Variants in PHACTR2 observed in about 807,000 individuals in gnomAD.
The protein encoded by PHACTR2 is chromosome 6 open reading frame 56.
In PHACTR2, 30 loss-of-function variants were observed where a neutral mutation model predicts 76.0. The observed-to-expected ratio is 0.39, with a 90% CI of 0.30 to 0.54. PHACTR2 has a LOEUF of 0.54. Ranked by LOEUF, PHACTR2 falls within the 20% of genes least tolerant of loss-of-function variation. The pLI is 0.61. For missense variants in PHACTR2, 696 were observed against 781.1 expected (o/e 0.89, Z 1.30); for synonymous variants, 292 against 292.5 (o/e 1.00, Z 0.02).
At position 143,809,755 on chromosome 6, in the gene PHACTR2, G is replaced by T. The variant is rs1186098062; in HGVS notation, c.1922+2622G>T. Among the ~76,000 whole-genome samples the T allele has an allele frequency of 6.6e-6, 1 of 151,788 alleles. No homozygotes were observed. The highest frequency in any genetic ancestry group is 2.4e-5 in the African/African-American group (1 of 41,306). On this transcript the variant is annotated intron_variant, in intron 12 of 12. Transcript: ENST00000440869. The surrounding 1 kb of genome is among the most constrained non-coding windows in gnomAD (Gnocchi z 4.2). Reference sequence around the variant, plus strand: ...ATTAAATATGTGTATGTACATGTATGCATTTATATGTACCCTCTCTCACAC... The same window carrying T: ...ATTAAATATGTGTATGTACATGTATTCATTTATATGTACCCTCTCTCACAC...
rs144454455 is a variant in PHACTR2 at position 143,549,095 on chromosome 6, C to A, written c.217+11888C>A. On this transcript the variant is annotated intron_variant, in intron 1 of 11. Coordinates refer to the PHACTR2 transcript ENST00000367584. The surrounding 1 kb of genome is among the most constrained non-coding windows in gnomAD (Gnocchi z 4.2). Reference sequence around the variant, plus strand: ...ACATGGTGCCTGATCTCCTCCCCAGCGAACATGCCAGTCTGTAGGGTGCAC... The same window carrying A: ...ACATGGTGCCTGATCTCCTCCCCAGAGAACATGCCAGTCTGTAGGGTGCAC... 2.6e-5 allele frequency among the ~76,000 whole-genome samples: 4 copies of A among 152,026 alleles called. No individual in the cohort carries two copies. Among genetic ancestry groups the A allele is most frequent in the African/African-American group, 9.6e-5 (4 of 41,492 alleles).
At chr6:143,594,643 T>A (rs997800522) in intron 1 of PHACTR2, among the ~76,000 whole-genome samples, 2 of 152,212 alleles carry the variant, frequency 1.3e-5, no homozygotes, top group Non-Finnish European at 2.9e-5. Context: ...GGAAGTGAAG[T>A]AAGGAATGCC....
At chr6:143,685,234 G>T (rs2128454358) in intron 1 of PHACTR2, among the ~76,000 whole-genome samples, 1 of 152,014 alleles carries the variant, frequency 6.6e-6, no homozygotes, top group South Asian at 2.1e-4. Context: ...AAGATGAATA[G>T]ATTTAATAGT....
chr6:143,625,310 A>G lies in PHACTR2; in HGVS notation c.13+16988A>G, dbSNP rs569016116. ...TTCTTATTTATTGTGAGATATATCA[A>G]ATTTTTACTTGGTGATTCAGAATTT... On this transcript the variant is annotated intron_variant, in intron 1 of 11. Coordinates refer to the PHACTR2 transcript ENST00000305766. This position sits in a 1 kb window ranked among gnomAD's most constrained non-coding sequence, Gnocchi z 4.3. Among the ~76,000 whole-genome samples, 4 of 152,184 alleles carry G rather than the reference A, an allele frequency of 2.6e-5. No homozygotes were observed. The highest frequency in any genetic ancestry group is 7.2e-5 in the African/African-American group (3 of 41,452).
intron 12 of PHACTR2, among the ~76,000 whole-genome samples, chr6:143,815,147 T>A (rs192648282): frequency 3.3e-5 from 5 of 152,130 alleles, no homozygotes; most frequent in Admixed American, 3.3e-4. Flanking sequence ...ACTTGCTACC[T>A]GGACAGAAAT....
chr6:143,564,194 TGC>T (rs1345308680), intron 1 of PHACTR2, among the ~76,000 whole-genome samples: 1,431 of 63,192 alleles, frequency 0.023, 49 homozygotes, highest in Non-Finnish European at 0.031. Context: ...TGTGTGTGTG[TGC>T]ATATATATAT....
At chr6:143,717,994 G>GA (rs1320525625) in intron 2 of PHACTR2, among the ~76,000 whole-genome samples, 3 of 151,862 alleles carry the variant, frequency 2.0e-5, no homozygotes, top group Non-Finnish European at 4.4e-5. Context: ...AATAAAATTG[G>GA]AAAAAAATAT....
Position 143,739,551 on chromosome 6 carries a change from T to C in PHACTR2, c.215-9434T>C, listed in dbSNP as rs1314906774. ...AAATGGAAACACGCAAGCTTTTCTT[T>C]GAACTAGATGAATTCAAAAACACCT... On this transcript the variant is annotated intron_variant, in intron 2 of 12. Coordinates refer to ENST00000440869, the MANE Select transcript of PHACTR2 (RefSeq NM_001100164.2). This position sits in a 1 kb window ranked among gnomAD's most constrained non-coding sequence, Gnocchi z 4.3. Among the ~76,000 whole-genome samples, 1 of 152,224 alleles carries C rather than the reference T, an allele frequency of 6.6e-6. No homozygotes were observed. Among genetic ancestry groups the C allele is most frequent in the Non-Finnish European group, 1.5e-5 (1 of 68,042 alleles).
upstream of PHACTR2, among the ~76,000 whole-genome samples, chr6:143,607,466 T>G (rs1775894770): frequency 6.6e-6 from 1 of 152,202 alleles, no homozygotes; most frequent in Non-Finnish European, 1.5e-5. Flanking sequence ...TGTTAGTCAG[T>G]CTTTCCTGAT....
chr6:143,642,413 G>A (rs1347379594), intron 1 of PHACTR2, among the ~76,000 whole-genome samples: 2 of 152,198 alleles, frequency 1.3e-5, no homozygotes, highest in Non-Finnish European at 2.9e-5. Context: ...ACACCTCATT[G>A]TGTCAAAGAT....
intron 1 of PHACTR2, among the ~76,000 whole-genome samples, chr6:143,642,397 A>G (rs1776581778): frequency 6.6e-6 from 1 of 152,250 alleles, no homozygotes; most frequent in African/African-American, 2.4e-5. Flanking sequence ...CAAAATTCAC[A>G]AATAAACACC....
rs1368272418 is a variant in PHACTR2 at position 143,760,918 on chromosome 6, A to G, written c.694+278A>G. Among the ~76,000 whole-genome samples, 1 of 152,222 alleles carries G rather than the reference A, an allele frequency of 6.6e-6. No homozygotes were observed. The highest frequency in any genetic ancestry group is 1.9e-4 in the East Asian group (1 of 5,194). ...GCACCAGTTGAAGGATACTGGGAGT[A>G]GTATGCCTGATGAATGACAATGATC... On this transcript the variant is annotated intron_variant, in intron 5 of 12. Transcript: ENST00000440869. The surrounding 1 kb of genome is among the most constrained non-coding windows in gnomAD (Gnocchi z 6.4).
chr6:143,544,086 A>C (rs1054443535), intron 1 of PHACTR2, among the ~76,000 whole-genome samples: 8 of 152,120 alleles, frequency 5.3e-5, no homozygotes, highest in Non-Finnish European at 8.8e-5. Flanking sequence ...CAGGCCACAG[A>C]GACTAGAATT....
rs1175794060 is a variant in PHACTR2 at position 143,791,410 on chromosome 6, G to C, written c.1845+2500G>C. On this transcript the variant is annotated intron_variant, in intron 11 of 12. Transcript: ENST00000440869. The surrounding 1 kb of genome is among the most constrained non-coding windows in gnomAD (Gnocchi z 4.7). ...GATTTGCAACCTTGGCTACAAATTG[G>C]AATCACCTATAGATCTTTAAGAATG... Among the ~76,000 whole-genome samples, 1 of 152,162 alleles carries C rather than the reference G, an allele frequency of 6.6e-6. No individual in the cohort carries two copies. The highest frequency in any genetic ancestry group is 2.4e-5 in the African/African-American group (1 of 41,442).
chr6:143,595,762 T>C lies in PHACTR2; in HGVS notation c.217+58555T>C, dbSNP rs1314093352. Among the ~76,000 whole-genome samples the C allele has an allele frequency of 6.6e-6, 1 of 152,216 alleles. No individual in the cohort carries two copies. The highest frequency in any genetic ancestry group is 1.5e-5 in the Non-Finnish European group (1 of 68,040). On this transcript the variant is annotated intron_variant, in intron 1 of 11. Coordinates refer to the PHACTR2 transcript ENST00000367584. This position sits in a 1 kb window ranked among gnomAD's most constrained non-coding sequence, Gnocchi z 4.2. The stretch of plus-strand genomic sequence containing the variant: ...AAGAGAGAAAAAAGTGCTGTTAGAA[T>C]AAAAATAAAGAATGTTACCAGAATG...
chr6:143,648,045 T>G lies in PHACTR2; in HGVS notation c.13+39723T>G, dbSNP rs1335344251. ...CCGTGACCCGAGAGAGATGTATGGC[T>G]GCGACAGAGCCACAACAGTTGGGAA... On this transcript the variant is annotated intron_variant, in intron 1 of 11. Transcript: ENST00000305766. This position sits in a 1 kb window ranked among gnomAD's most constrained non-coding sequence, Gnocchi z 6.7. 1.3e-5 allele frequency among the ~76,000 whole-genome samples: 2 copies of G among 152,136 alleles called. No homozygotes were observed. The highest frequency in any genetic ancestry group is 4.8e-5 in the African/African-American group (2 of 41,436).
Position 143,542,783 on chromosome 6 carries a change from C to A in PHACTR2, c.217+5576C>A, listed in dbSNP as rs565402797. On this transcript the variant is annotated intron_variant, in intron 1 of 11. Transcript: ENST00000367584. ...GAAAAGACCTATTGTGTGAAGCCAC[C>A]TTTATACAGCAAGACAGAGATCATA... is the stretch of plus-strand genomic sequence containing the variant. 5.9e-5 allele frequency among the ~76,000 whole-genome samples: 9 copies of A among 152,262 alleles called. No individual in the cohort carries two copies. The South Asian group carries it at 1.9e-3, about 32-fold the overall frequency.
intron 1 of PHACTR2, among the ~76,000 whole-genome samples, chr6:143,615,530 G>A (rs995214404): frequency 6.6e-6 from 1 of 152,104 alleles, no homozygotes; most frequent in Non-Finnish European, 1.5e-5. Flanking sequence ...TAGTTGTGAA[G>A]TGTTTCTTTC....
intron 1 of PHACTR2, among the ~76,000 whole-genome samples, chr6:143,559,650 T>G (rs12202625): frequency 0.051 from 7,656 of 149,174 alleles, 273 homozygotes; most frequent in East Asian, 0.08. Context: ...TATTTTCTAA[T>G]ACTAGAAATA....
Sources: allele counts gnomAD v4.1 joint callset (sites outside exome capture counted in the v4.1 genomes callset), GRCh38; gene constraint gnomAD v4.1.1; non-coding constraint Gnocchi (gnomAD v3.1); transcripts MANE v1.5; gene names NCBI Gene and HGNC (gene_info 2026-07-23, HGNC 2026-07-21).